HTT: variants seen among roughly 807,000 people sequenced by gnomAD.
HTT encodes the protein huntingtin, also known as huntington disease protein.
In HTT, 104 loss-of-function variants were observed where a neutral mutation model predicts 362.3. That is an observed-to-expected ratio of 0.29 (90% CI 0.24 to 0.34). The LOEUF (loss-of-function observed/expected upper bound fraction) is 0.34. Ranked by LOEUF, HTT falls within the 10% of genes least tolerant of loss-of-function variation. HTT has a pLI of 1.00. For missense variants in HTT, 3,301 were observed against 3,928.6 expected (o/e 0.84, Z 4.27); for synonymous variants, 1,577 against 1,548.7 (o/e 1.02, Z -0.43).
chr4:3,131,228 T>A lies in HTT; in HGVS notation c.1987-58T>A, dbSNP rs1373318391. On this transcript the variant is annotated intron_variant, in intron 14 of 66. Coordinates refer to ENST00000355072, the MANE Select transcript of HTT (RefSeq NM_001388492.1). ...CTCTGGAACTATCTGTTGAATGAAC[T>A]AATGCATGAATGTATTGTTGAGTAT... 13 of 1,220,046 alleles carry A rather than the reference T, an allele frequency of 1.1e-5. No homozygotes were observed. The East Asian group carries it at 3.0e-4, about 28-fold the overall frequency. 75.6% of individuals were successfully genotyped at this position (1,220,046 alleles called of 1,614,324 possible). A position where few individuals can be genotyped will look rare whatever the true frequency, so the allele number is the denominator to read the frequency against.
rs1325426880 is a variant in HTT, at chr4:3,243,917, A to C, written c.*3858A>C. 1 of 152,258 alleles carries C rather than the reference A, an allele frequency of 6.6e-6. No individual in the cohort carries two copies. The highest frequency in any genetic ancestry group is 6.5e-5 in the Admixed American group (1 of 15,292). The allele number at this position is 152,258 out of a possible 1,614,324, so 9.4% of individuals were successfully genotyped here. A position where few individuals can be genotyped will look rare whatever the true frequency, so the allele number is the denominator to read the frequency against. On this transcript the variant is annotated 3_prime_UTR_variant, in exon 67 of 67. Transcript: ENST00000355072. ...GTATATTTAATTTTTTAACTGCTGC[A>C]AACATTGTACATCCAAATTAAAGGA...
intron 18 of HTT, among the ~76,000 whole-genome samples, chr4:3,133,339 A>AAG (rs1715909852): frequency 2.0e-5 from 3 of 151,264 alleles, no homozygotes; most frequent in African/African-American, 7.3e-5. Context: ...AAAAAAAAAA[A>AAG]AAAAGTAGCT....
intron 39 of HTT, chr4:3,188,364 G>A (rs1718864782): frequency 6.1e-6 from 1 of 165,074 alleles, no homozygotes. Context: ...TTGTTTGGAA[G>A]CTCCCCAAGG....
At chr4:3,172,791 G>C (rs912259914) in intron 30 of HTT, 117 bp from the exon 31 acceptor site, 1 of 752,632 alleles carries the variant, frequency 1.3e-6, no homozygotes. Context: ...AGAATTTCAC[G>C]CTGTGAGTCT....
At chr4:3,127,803 A>G (rs772993903) in intron 12 of HTT, among the ~76,000 whole-genome samples, 199 bp downstream of exon 12, 41 of 151,706 alleles carry the variant, frequency 2.7e-4, no homozygotes, top group Non-Finnish European at 5.4e-4. Context: ...GTCTCTACTA[A>G]AAATACAAAA....
chr4:3,191,258 C>G (rs1376803637), intron 40 of HTT, among the ~76,000 whole-genome samples: 1 of 151,986 alleles, frequency 6.6e-6, no homozygotes, highest in African/African-American at 2.4e-5. Context: ...ACCGCAACCT[C>G]TGCCTCCCAG....
chr4:3,109,718 C>G (rs931610851), intron 6 of HTT, among the ~76,000 whole-genome samples: 1 of 151,934 alleles, frequency 6.6e-6, no homozygotes, highest in African/African-American at 2.4e-5. Flanking sequence ...GTTTTTTGCT[C>G]TGGGTTGAAA....
At chr4:3,220,792 C>G (rs997076033) in intron 53 of HTT, among the ~76,000 whole-genome samples, 1 of 152,122 alleles carries the variant, frequency 6.6e-6, no homozygotes, top group African/African-American at 2.4e-5. Flanking sequence ...AGAAAGCAGG[C>G]TTGGGGCTCA....
chr4:3,157,163 G>A lies in HTT; in HGVS notation c.3717G>A (p.Leu1239=), dbSNP rs757788948. Reference sequence around the variant, plus strand: ...ATCATCTTCCTTCATACCTCAAACTGCATGATGTCCTGAAAGCTACACACG... The same window carrying A: ...ATCATCTTCCTTCATACCTCAAACTACATGATGTCCTGAAAGCTACACACG... ...SFYHLPSYLK[L]HDVLKATHAN... Residue 1239 remains leucine, a synonymous_variant, in exon 28 of 67, where the codon CTG becomes CTA. Transcript: ENST00000355072. The A allele has an allele frequency of 6.2e-7, 1 of 1,613,682 alleles. No homozygotes were observed.
At chr4:3,189,874 C>T (rs1436440267) in intron 40 of HTT, among the ~76,000 whole-genome samples, 6 of 151,942 alleles carry the variant, frequency 3.9e-5, no homozygotes, top group Non-Finnish European at 8.8e-5. Context: ...ACAAACTAGC[C>T]GGGGATAGTG....
intron 2 of HTT, among the ~76,000 whole-genome samples, chr4:3,088,869 ATTCTG>A (rs1713354215): frequency 6.6e-6 from 1 of 152,164 alleles, no homozygotes; most frequent in South Asian, 2.1e-4. Context: ...ACTGTGTATG[ATTCTG>A]TTCTGTTTCT....
chr4:3,202,674 C>T (rs1719639659), intron 41 of HTT, among the ~76,000 whole-genome samples: 2 of 152,114 alleles, frequency 1.3e-5, no homozygotes, highest in Admixed American at 6.5e-5. Flanking sequence ...ACCACCAATC[C>T]GTGCTCTGTC....
intron 56 of HTT, 61 bp from the exon 57 acceptor site, chr4:3,225,600 G>A: frequency 6.8e-7 from 1 of 1,476,222 alleles, no homozygotes; most frequent in Non-Finnish European, 9.4e-7. Flanking sequence ...GGCTGGTATG[G>A]GGTGGGCCTG....
rs1256794146 is a variant in HTT, at chr4:3,140,553, G to A, written c.2842G>A (p.Asp948Asn). 1.2e-6 allele frequency: 2 copies of A among 1,613,994 alleles called. No individual in the cohort carries two copies. The highest frequency in any genetic ancestry group is 1.7e-6 in the Non-Finnish European group (2 of 1,179,962). Residue 948 changes from aspartate (D) to asparagine (N), a missense_variant, in exon 22 of 67, where the codon GAT (aspartate) becomes AAT (asparagine). Asp to Asn is a conservative substitution (Grantham distance 23). Coordinates refer to ENST00000355072, the MANE Select transcript of HTT (RefSeq NM_001388492.1). ...LFYKCDQGQA[D>N]PVVAVARDQS... is the part of the protein sequence containing the mutation. The stretch of plus-strand genomic sequence containing the variant: ...TTATAAATGTGACCAAGGACAAGCT[G>A]ATCCAGTAGTGGCCGTGGCAAGAGA...
intron 39 of HTT, chr4:3,188,183 C>T (rs973076112): frequency 1.1e-5 from 3 of 262,868 alleles, no homozygotes; most frequent in African/African-American, 2.2e-5. Flanking sequence ...GCAGTAGGGG[C>T]ACGCTGACGT....
intron 51 of HTT, among the ~76,000 whole-genome samples, chr4:3,216,859 A>G (rs949763257): frequency 1.3e-5 from 2 of 151,892 alleles, no homozygotes; most frequent in African/African-American, 4.8e-5. Context: ...CCCCGTCTCT[A>G]CTAAAAATAC....
chr4:3,105,350 C>A lies in HTT; in HGVS notation c.529-7C>A. The A allele has an allele frequency of 6.2e-7, 1 of 1,607,286 alleles. No individual in the cohort carries two copies. The highest frequency in any genetic ancestry group is 8.5e-7 in the Non-Finnish European group (1 of 1,173,754). ...CTCTTAATGCAACCCTCATTGCACCCCCTCAGAATGGTGCCCCTCGGAGTT... is the reference window on the plus strand; with the variant it reads ...CTCTTAATGCAACCCTCATTGCACCACCTCAGAATGGTGCCCCTCGGAGTT... On this transcript the variant is annotated splice_polypyrimidine_tract_variant and splice_region_variant and intron_variant, in intron 4 of 66. Transcript: ENST00000355072.
At chr4:3,117,461 A>C (rs1234839042) in intron 8 of HTT, among the ~76,000 whole-genome samples, 1 of 152,110 alleles carries the variant, frequency 6.6e-6, no homozygotes, top group Non-Finnish European at 1.5e-5. Flanking sequence ...TTTGAAAGCA[A>C]ACCCCAATTA....
At chr4:3,208,286 C>T (rs990982391) in intron 45 of HTT, among the ~76,000 whole-genome samples, 2 of 152,184 alleles carry the variant, frequency 1.3e-5, no homozygotes, top group African/African-American at 4.8e-5. Context: ...ACTTAGTCTT[C>T]AGTCCAGATG....
Sources: allele counts gnomAD v4.1 joint callset (sites outside exome capture counted in the v4.1 genomes callset), GRCh38; gene constraint gnomAD v4.1.1; transcripts MANE v1.5; gene names NCBI Gene and HGNC (gene_info 2026-07-23, HGNC 2026-07-21).